The following CDYL variants were observed in gnomAD, a reference collection of about 807,000 sequenced individuals.
CDYL encodes chromodomain Y-like protein.
CDYL carries 8 observed loss-of-function variants against 47.3 expected under a neutral mutation model. That is an observed-to-expected ratio of 0.17 (90% CI 0.10 to 0.31). CDYL has a LOEUF of 0.31. Ranked by LOEUF, CDYL falls within the 10% of genes least tolerant of loss-of-function variation. The probability of loss-of-function intolerance (pLI) is 1.00; values close to 1 mark genes in which losing one functional copy is unlikely to be tolerated. For missense variants in CDYL, 471 were observed against 701.4 expected, an observed-to-expected ratio of 0.67 and a Z score of 3.71; for synonymous variants, 266 against 265.0, an observed-to-expected ratio of 1.00 and a Z score of -0.04.
At chr6:4,777,700 C>G (rs778982546) in intron 1 of CDYL, among the ~76,000 whole-genome samples, 1 of 152,082 alleles carries the variant, frequency 6.6e-6, no homozygotes, top group Non-Finnish European at 1.5e-5. Context: ...GTTTAGGGAC[C>G]TGGGTGTTGA....
At chr6:4,916,523 G>A (rs1757560599) in intron 2 of CDYL, among the ~76,000 whole-genome samples, 1 of 152,156 alleles carries the variant, frequency 6.6e-6, no homozygotes, top group Non-Finnish European at 1.5e-5. Context: ...TTCACTGTGA[G>A]GTAAATGAAG....
chr6:4,909,054 G>A (rs1288951740), intron 2 of CDYL, among the ~76,000 whole-genome samples: 1 of 152,252 alleles, frequency 6.6e-6, no homozygotes, highest in African/African-American at 2.4e-5. Context: ...GACACACCGT[G>A]CCTTGGGGGG....
chr6:4,904,082 C>T (rs1014607674), intron 2 of CDYL, among the ~76,000 whole-genome samples: 1 of 152,206 alleles, frequency 6.6e-6, no homozygotes, highest in Non-Finnish European at 1.5e-5. Context: ...GTTGACAGAG[C>T]CATGCCACGC....
rs149048887 is a variant in CDYL at position 4,934,687 on chromosome 6, A to G, written c.692-828A>G. ...TAATTATTTGCATTCTTAACCAGGC[A>G]CAGTGGTTCATGCCTGTACATCTCA... On this transcript the variant is annotated intron_variant, in intron 2 of 6. Transcript: ENST00000397588. Among the ~76,000 whole-genome samples the G allele has an allele frequency of 2.9e-3, 446 of 152,352 alleles. 2 individuals carry two copies. The highest frequency in any genetic ancestry group is 7.5e-3 in the African/African-American group (310 of 41,576).
chr6:4,776,169 G>A (rs113444172), upstream of CDYL, among the ~76,000 whole-genome samples: 1 of 15,872 alleles, frequency 6.3e-5, no homozygotes, highest in Admixed American at 4.7e-4. Flanking sequence ...CGCCCCCCGC[G>A]CTCGCGGCCC....
chr6:4,838,846 C>T (rs1287287481), intron 1 of CDYL, among the ~76,000 whole-genome samples: 1 of 152,088 alleles, frequency 6.6e-6, no homozygotes, highest in African/African-American at 2.4e-5. Flanking sequence ...GTTACCACAC[C>T]TGGCTAATTT....
At chr6:4,856,301 G>A (rs1473872378) in intron 1 of CDYL, among the ~76,000 whole-genome samples, 3 of 152,198 alleles carry the variant, frequency 2.0e-5, no homozygotes, top group South Asian at 4.1e-4. Flanking sequence ...AGCTTGGATC[G>A]CTGGGTTGTT....
intron 3 of CDYL, among the ~76,000 whole-genome samples, chr6:4,738,892 C>T (rs951752573): frequency 3.9e-5 from 6 of 152,138 alleles, no homozygotes; most frequent in African/African-American, 7.2e-5. Context: ...CCGGGCGCAG[C>T]GGCTCACGCC....
intron 1 of CDYL, among the ~76,000 whole-genome samples, chr6:4,820,356 G>C (rs1001825969): frequency 6.6e-6 from 1 of 152,192 alleles, no homozygotes; most frequent in Non-Finnish European, 1.5e-5. Context: ...CTGATGTTAG[G>C]CTATAAAGCT....
chr6:4,900,068 C>T (rs1287371725), intron 2 of CDYL, among the ~76,000 whole-genome samples: 2 of 152,172 alleles, frequency 1.3e-5, no homozygotes, highest in Non-Finnish European at 1.5e-5. Flanking sequence ...TTTAGAAGTA[C>T]TTTGAGCAAA....
At chr6:4,855,487 C>A (rs1162962831) in intron 1 of CDYL, among the ~76,000 whole-genome samples, 1 of 152,122 alleles carries the variant, frequency 6.6e-6, no homozygotes, top group African/African-American at 2.4e-5. Flanking sequence ...CTATTTAAGC[C>A]CAGGGTCCCT....
intron 2 of CDYL, chr6:4,724,656 G>A (rs565289475): frequency 3.3e-5 from 5 of 152,290 alleles, no homozygotes; most frequent in East Asian, 1.9e-4. Flanking sequence ...TGAAGCTGCA[G>A]ACCTTCGCAG....
chr6:4,843,712 A>G (rs1760571492), intron 1 of CDYL, among the ~76,000 whole-genome samples: 1 of 151,540 alleles, frequency 6.6e-6, no homozygotes, highest in South Asian at 2.1e-4. Flanking sequence ...TTCACTGAAG[A>G]TTTTCTCCTT....
At chr6:4,856,587 G>C (rs929607219) in intron 1 of CDYL, among the ~76,000 whole-genome samples, 1 of 152,314 alleles carries the variant, frequency 6.6e-6, no homozygotes, top group African/African-American at 2.4e-5. Flanking sequence ...GTCGGGGCCA[G>C]AACAATGGTG....
intron 2 of CDYL, among the ~76,000 whole-genome samples, chr6:4,927,755 C>T: frequency 6.6e-6 from 1 of 152,154 alleles, no homozygotes; most frequent in South Asian, 2.1e-4. Context: ...TTATGCTTTG[C>T]AGTTATTAGT....
chr6:4,717,697 C>A (rs1278478025), intron 2 of CDYL, among the ~76,000 whole-genome samples: 1 of 18,366 alleles, frequency 5.4e-5, no homozygotes, highest in African/African-American at 2.2e-4. Context: ...AGAACAAAGA[C>A]CCTCACAAAA....
intron 2 of CDYL, among the ~76,000 whole-genome samples, chr6:4,916,252 A>G (rs1401781758): frequency 6.6e-6 from 1 of 152,226 alleles, no homozygotes; most frequent in African/African-American, 2.4e-5. Flanking sequence ...TTTCTAGTCT[A>G]CAGAATGATT....
At chr6:4,860,059 C>T (rs140544526) in intron 1 of CDYL, among the ~76,000 whole-genome samples, 9,840 of 151,840 alleles carry the variant, frequency 0.065, 337 homozygotes, top group Non-Finnish European at 0.083. Flanking sequence ...CCGCCACTAC[C>T]CCCAGCTAAT....
intron 3 of CDYL, among the ~76,000 whole-genome samples, chr6:4,737,006 C>G (rs1292383367): frequency 2.0e-5 from 3 of 152,062 alleles, no homozygotes; most frequent in Admixed American, 6.5e-5. Context: ...ACAAAATATT[C>G]TGGAATTGAT....
Sources: gnomAD v4.1 joint callset for allele counts (sites outside exome capture counted in the v4.1 genomes callset) on GRCh38, gnomAD v4.1.1 for gene constraint, MANE v1.5 for transcripts, NCBI Gene and HGNC (gene_info 2026-07-23, HGNC 2026-07-21) for gene names.